Variants in ARHGAP35 observed in about 807,000 individuals in gnomAD.
The protein encoded by ARHGAP35 is rho GTPase-activating protein 35.
In ARHGAP35, 15 loss-of-function variants were observed where a neutral mutation model predicts 111.1. That is an observed-to-expected ratio of 0.13 (90% CI 0.09 to 0.21). The LOEUF is 0.21. Among genes scored for constraint, ARHGAP35 ranks in the 10% least tolerant of loss-of-function variants. The pLI is 1.00. For missense variants in ARHGAP35, 1,262 were observed against 1,873.0 expected (o/e 0.67, Z 6.02); for synonymous variants, 643 against 710.3 (o/e 0.91, Z 1.51).
rs769153230 is a variant in ARHGAP35, at chr19:46,920,385, T to A, written c.1710T>A (p.Ile570=). 9 of 1,614,022 alleles carry A rather than the reference T, an allele frequency of 5.6e-6. No individual in the cohort carries two copies. Among genetic ancestry groups the A allele is most frequent in the Non-Finnish European group, 7.6e-6 (9 of 1,179,892 alleles). ...PSCPACVDAK[I]EHLISSRFIR... is the part of the protein sequence containing the mutation. ...GCCCAGCTTGTGTGGACGCTAAGAT[T>A]GAGCACTTGATTAGTTCTCGGTTTA... Residue 570 remains isoleucine, a synonymous_variant, in exon 2 of 7, where the codon ATT becomes ATA. Coordinates refer to ENST00000672722, the MANE Select transcript of ARHGAP35 (RefSeq NM_004491.5). This position sits in a 1 kb window ranked among gnomAD's most constrained non-coding sequence, Gnocchi z 7.0.
chr19:46,967,700 T>C (rs1200516919), intron 3 of ARHGAP35, among the ~76,000 whole-genome samples: 1 of 152,232 alleles, frequency 6.6e-6, no homozygotes, highest in East Asian at 1.9e-4. Flanking sequence ...CTGCCCACTG[T>C]CTAGCTCTGC....
At position 46,883,488 on chromosome 19, in the gene ARHGAP35, C is replaced by T. The variant is rs117153879; in HGVS notation, c.-189+22279C>T. 6.4e-3 allele frequency among the ~76,000 whole-genome samples: 967 copies of T among 152,184 alleles called. 5 individuals are homozygous for T. Among genetic ancestry groups the T allele is most frequent in the Middle Eastern group, 0.02 (6 of 294 alleles). On this transcript the variant is annotated intron_variant, in intron 1 of 6. Coordinates refer to ENST00000672722, the MANE Select transcript of ARHGAP35 (RefSeq NM_004491.5). ...GAACACATACAACATTTTTTCAACTCGCCGTCTTATATTGGTGCAGTTTAT... is the reference window on the plus strand; with the variant it reads ...GAACACATACAACATTTTTTCAACTTGCCGTCTTATATTGGTGCAGTTTAT...
chr19:46,941,400 A>C (rs1750497629), intron 3 of ARHGAP35, among the ~76,000 whole-genome samples: 1 of 151,954 alleles, frequency 6.6e-6, no homozygotes, highest in Admixed American at 6.5e-5. Context: ...CAGCATATAC[A>C]TTAATTGATT....
In ARHGAP35 at chr19:46,988,091, C is replaced by T; in HGVS notation, c.3904+25C>T. The T allele has an allele frequency of 1.2e-6, 2 of 1,608,278 alleles. No homozygotes were observed. The highest frequency in any genetic ancestry group is 1.7e-6 in the Non-Finnish European group (2 of 1,176,362). ...GGTAAAGTGCAGCCTGGCCAGGCAT[C>T]CGAGGCCAGAGCTGGTCAAGGCAGA... On this transcript the variant is annotated intron_variant, in intron 4 of 6. Transcript: ENST00000672722. This position sits in a 1 kb window ranked among gnomAD's most constrained non-coding sequence, Gnocchi z 5.4.
At chr19:46,962,393 G>A (rs926760712) in intron 3 of ARHGAP35, among the ~76,000 whole-genome samples, 10 of 152,344 alleles carry the variant, frequency 6.6e-5, no homozygotes, top group South Asian at 2.1e-4. Context: ...CCGTGAATGT[G>A]TGACAATGTC....
At chr19:46,958,294 G>A (rs2056453411) in intron 3 of ARHGAP35, among the ~76,000 whole-genome samples, 2 of 151,218 alleles carry the variant, frequency 1.3e-5, no homozygotes, top group Admixed American at 6.6e-5. Context: ...TGAGGCAGGA[G>A]AATGGCGTCA....
At chr19:46,979,345 T>C (rs62136805) in intron 3 of ARHGAP35, among the ~76,000 whole-genome samples, 3,225 of 152,218 alleles carry the variant, frequency 0.021, 48 homozygotes, top group Non-Finnish European at 0.035. Flanking sequence ...TGGCTTTGAA[T>C]GTTCACTCCC....
In ARHGAP35 at chr19:46,989,402, G is replaced by A. The variant is rs990759222; in HGVS notation, c.3905-142G>A. 4 of 1,111,026 alleles carry A rather than the reference G, an allele frequency of 3.6e-6. No individual in the cohort carries two copies. The highest frequency in any genetic ancestry group is 5.3e-5 in the East Asian group (2 of 37,742). The allele number at this position is 1,111,026 out of a possible 1,614,324, so 68.8% of individuals were successfully genotyped here. On this transcript the variant is annotated intron_variant, in intron 4 of 6. Coordinates refer to ENST00000672722, the MANE Select transcript of ARHGAP35 (RefSeq NM_004491.5). The surrounding 1 kb of genome is among the most constrained non-coding windows in gnomAD (Gnocchi z 5.3). Reference sequence around the variant, plus strand: ...TCAGAACTCGCGTTAGCGCTCACAAGTCCCACCCCTCCAATCCTTGCCAGT... The same window carrying A: ...TCAGAACTCGCGTTAGCGCTCACAAATCCCACCCCTCCAATCCTTGCCAGT...
intron 1 of ARHGAP35, among the ~76,000 whole-genome samples, chr19:46,874,425 T>C (rs2055904608): frequency 6.6e-6 from 1 of 151,962 alleles, no homozygotes; most frequent in African/African-American, 2.4e-5. Context: ...ATGCATTGAC[T>C]AGGAAGACAG....
rs1599877221 is a variant in ARHGAP35, at chr19:47,000,865, T to G, written c.*177T>G. Reference sequence around the variant, plus strand: ...TGGTACCATCGGCTGGGCTGCCAGGTACCCTGGGCCTGGCGCTGCAGACCT... The same window carrying G: ...TGGTACCATCGGCTGGGCTGCCAGGGACCCTGGGCCTGGCGCTGCAGACCT... On this transcript the variant is annotated 3_prime_UTR_variant, in exon 7 of 7. Transcript: ENST00000672722. The surrounding 1 kb of genome is among the most constrained non-coding windows in gnomAD (Gnocchi z 6.9). 6.5e-7 allele frequency: 1 copy of G among 1,535,496 alleles called. No homozygotes were observed. Among genetic ancestry groups the G allele is most frequent in the Non-Finnish European group, 8.7e-7 (1 of 1,146,324 alleles).
Position 46,886,888 on chromosome 19 carries a change from T to C in ARHGAP35, c.-189+25679T>C, listed in dbSNP as rs149471663. 2.6e-3 allele frequency among the ~76,000 whole-genome samples: 392 copies of C among 152,324 alleles called. 2 individuals carry two copies. Among genetic ancestry groups the C allele is most frequent in the Non-Finnish European group, 4.1e-3 (280 of 68,034 alleles). ...TGGATTGAGTGTTCAGGTGATTTTG[T>C]CTTGACTTCTTGGGTTGGTTGGGAT... On this transcript the variant is annotated intron_variant, in intron 1 of 6. Coordinates refer to ENST00000672722, the MANE Select transcript of ARHGAP35 (RefSeq NM_004491.5).
chr19:46,880,083 C>A (rs2055952162), intron 1 of ARHGAP35, among the ~76,000 whole-genome samples: 1 of 149,272 alleles, frequency 6.7e-6, no homozygotes, highest in African/African-American at 2.5e-5. Context: ...AAGACAATGT[C>A]TCAAAAAATA....
intron 3 of ARHGAP35, chr19:46,948,089 G>A (rs1343626945): frequency 6.6e-6 from 1 of 152,178 alleles, no homozygotes; most frequent in Non-Finnish European, 1.5e-5. Flanking sequence ...GTATAGGGTG[G>A]GACCCTCGCA....
At chr19:46,943,269 G>A (rs1379633165) in intron 3 of ARHGAP35, among the ~76,000 whole-genome samples, 1 of 152,064 alleles carries the variant, frequency 6.6e-6, no homozygotes, top group Admixed American at 6.6e-5. Context: ...TGTGCTCTTT[G>A]GACCTCTTCA....
chr19:46,932,978 A>T (rs977948801), intron 2 of ARHGAP35, among the ~76,000 whole-genome samples: 5 of 152,110 alleles, frequency 3.3e-5, no homozygotes, highest in African/African-American at 1.2e-4. Flanking sequence ...CCTGCTCTAT[A>T]GTCAATAGGT....
chr19:46,876,405 AC>A (rs2055921741), intron 1 of ARHGAP35, among the ~76,000 whole-genome samples: 1 of 150,444 alleles, frequency 6.6e-6, no homozygotes, highest in Admixed American at 6.7e-5. Context: ...ATGGAGTCTC[AC>A]TCTGTTGCCC....
intron 3 of ARHGAP35, among the ~76,000 whole-genome samples, chr19:46,956,128 G>C (rs983191313): frequency 6.6e-6 from 1 of 152,116 alleles, no homozygotes; most frequent in Non-Finnish European, 1.5e-5. Context: ...GACCAGCATG[G>C]GCAAGATGGA....
In ARHGAP35 at chr19:46,921,423, C is replaced by A; in HGVS notation, c.2748C>A (p.Asp916Glu). The change falls in exon 2 of 7, where the codon GAC becomes GAA. Residue 916 changes from aspartate (D) to glutamate (E), a missense_variant. Physicochemically the swap from Asp to Glu is conservative, Grantham distance 45 (BLOSUM62 2). Transcript: ENST00000672722. This position sits in a 1 kb window ranked among gnomAD's most constrained non-coding sequence, Gnocchi z 4.3. Reference sequence around the variant, plus strand: ...GGGAGGAGATTGCTCAAGAAATTGACGGAAGGTTCACAAGCATCCCCTGTA... The same window carrying A: ...GGGAGGAGATTGCTCAAGAAATTGAAGGAAGGTTCACAAGCATCCCCTGTA... ...TEGEEIAQEIDGRFTSIPCSQ... is the reference protein window; with the variant it reads ...TEGEEIAQEIEGRFTSIPCSQ... The A allele has an allele frequency of 1.9e-6, 3 of 1,613,862 alleles. No homozygotes were observed. Among genetic ancestry groups the A allele is most frequent in the East Asian group, 4.5e-5 (2 of 44,880 alleles).
chr19:46,965,313 CAA>C (rs566952034), intron 3 of ARHGAP35, among the ~76,000 whole-genome samples: 1 of 149,806 alleles, frequency 6.7e-6, no homozygotes, highest in African/African-American at 2.4e-5. Context: ...GACTTCATCT[CAA>C]AAAAAAAGAG....
Sources: gnomAD v4.1 joint callset for allele counts (sites outside exome capture counted in the v4.1 genomes callset) on GRCh38, gnomAD v4.1.1 for gene constraint, Gnocchi (gnomAD v3.1) non-coding constraint, MANE v1.5 for transcripts, NCBI Gene and HGNC (gene_info 2026-07-23, HGNC 2026-07-21) for gene names.